Variants in NR3C2 observed in about 807,000 individuals in gnomAD.
The protein encoded by NR3C2 is mineralocorticoid receptor.
A neutral mutation model predicts 86.4 loss-of-function variants in NR3C2; 15 were observed. The ratio of observed to expected loss-of-function variants is 0.17; its 90% CI spans 0.12 to 0.27. The LOEUF is 0.27. Among genes scored for constraint, NR3C2 ranks in the 10% least tolerant of loss-of-function variants. The pLI is 1.00. For synonymous variants in NR3C2, 458 were observed against 450.5 expected (o/e 1.02, Z -0.21); for missense variants, 960 against 1,195.6 (o/e 0.80, Z 2.91).
At chr4:148,409,294 G>T (rs1748576201) in intron 2 of NR3C2, among the ~76,000 whole-genome samples, 1 of 152,102 alleles carries the variant, frequency 6.6e-6, no homozygotes, top group South Asian at 2.1e-4. Context: ...TTGATATTGA[G>T]ATAAAATCTT....
At chr4:148,163,884 A>G (rs1225698109) in intron 4 of NR3C2, among the ~76,000 whole-genome samples, 1 of 152,232 alleles carries the variant, frequency 6.6e-6, no homozygotes, top group East Asian at 1.9e-4. Context: ...TATAAGTAGC[A>G]TTAGAGGGAA....
intron 2 of NR3C2, 32 bp downstream of exon 2, chr4:148,435,072 G>T: frequency 1.2e-6 from 2 of 1,607,008 alleles, no homozygotes; most frequent in South Asian, 2.2e-5. Flanking sequence ...ATAAAGCCAT[G>T]ACTTCCAAAA....
intron 4 of NR3C2, among the ~76,000 whole-genome samples, chr4:148,172,490 A>G (rs945333697): frequency 6.6e-6 from 1 of 152,214 alleles, no homozygotes; most frequent in Non-Finnish European, 1.5e-5. Context: ...GTCCTGGTGC[A>G]GGGATGGAAA....
At chr4:148,376,310 G>C (rs930438776) in intron 2 of NR3C2, among the ~76,000 whole-genome samples, 1 of 152,070 alleles carries the variant, frequency 6.6e-6, no homozygotes, top group African/African-American at 2.4e-5. Context: ...TTAAAAAAAA[G>C]AATCTGCGCC....
chr4:148,085,447 G>C (rs1299006697), intron 8 of NR3C2, among the ~76,000 whole-genome samples: 1 of 152,202 alleles, frequency 6.6e-6, no homozygotes, highest in Non-Finnish European at 1.5e-5. Flanking sequence ...AAACCAATGA[G>C]AGCAAAGACA....
intron 6 of NR3C2, among the ~76,000 whole-genome samples, chr4:148,137,405 A>G (rs2149749970): frequency 6.6e-6 from 1 of 152,272 alleles, no homozygotes; most frequent in South Asian, 2.1e-4. Context: ...TATCTGCTTT[A>G]AAATGTAATT....
chr4:148,277,050 G>T (rs576114996), intron 2 of NR3C2, among the ~76,000 whole-genome samples: 1 of 152,064 alleles, frequency 6.6e-6, no homozygotes, highest in South Asian at 2.1e-4. Context: ...AGAAACAAAA[G>T]AAATCAAAAT....
In NR3C2 at chr4:148,223,278, C is replaced by T. The variant is rs935510434; in HGVS notation, c.1898-28416G>A. On this transcript the variant is annotated intron_variant, in intron 3 of 8. Transcript: ENST00000358102. ...AGCCTCAAATGCATCCCTACTTCTC[C>T]GCTTACAGCCAAGACTCAGCTTAAT... 3.3e-5 allele frequency among the ~76,000 whole-genome samples: 5 copies of T among 152,172 alleles called. No individual in the cohort carries two copies. The East Asian group carries it at 5.8e-4, about 18-fold the overall frequency.
At chr4:148,196,406 G>A (rs1305710060) in intron 3 of NR3C2, among the ~76,000 whole-genome samples, 3 of 152,138 alleles carry the variant, frequency 2.0e-5, no homozygotes, top group Admixed American at 6.5e-5. Flanking sequence ...ATCAGCTTAT[G>A]TATGTGATTT....
rs1421141176 is a variant in NR3C2, at chr4:148,435,901, G to T, written c.960C>A (p.Ser320=). The change falls in exon 2 of 9, where the codon TCC becomes TCA. Residue 320 remains serine (S), a synonymous_variant. Coordinates refer to ENST00000358102, the MANE Select transcript of NR3C2 (RefSeq NM_000901.5). ...TACTGGCTGCCGGACTGGAAAGCGT[G>T]GATCTGTTATTAGTGTTCGAAGGGC... ...VSSPSNTNNR[S]TLSSPAASTV... The T allele has an allele frequency of 6.2e-7, 1 of 1,614,152 alleles. No individual in the cohort carries two copies. The highest frequency in any genetic ancestry group is 8.5e-7 in the Non-Finnish European group (1 of 1,180,018).
intron 2 of NR3C2, among the ~76,000 whole-genome samples, chr4:148,434,468 A>C (rs963945589): frequency 2.0e-4 from 30 of 152,230 alleles, no homozygotes; most frequent in Admixed American, 1.4e-3. Context: ...TTCCAATATA[A>C]GTAAGAAAGC....
rs879072021 is a variant in NR3C2, at chr4:148,295,452, C to T, written c.1758-35335G>A. On this transcript the variant is annotated intron_variant, in intron 2 of 8. Coordinates refer to ENST00000358102, the MANE Select transcript of NR3C2 (RefSeq NM_000901.5). ...GTGCTACCTCTCTGTGTGCATGCTA[C>T]ACTCTAGAGACTAAATCCACAGATA... 1.2e-4 allele frequency among the ~76,000 whole-genome samples: 18 copies of T among 151,180 alleles called. 1 individual carries two copies. In the Admixed American group the frequency reaches 1.2e-3, roughly 10 times the overall value.
chr4:148,370,245 T>A (rs1310580432), intron 2 of NR3C2, among the ~76,000 whole-genome samples: 1 of 152,138 alleles, frequency 6.6e-6, no homozygotes, highest in African/African-American at 2.4e-5. Flanking sequence ...TGGTCAAACA[T>A]GCCATGGAAG....
At chr4:148,082,312 C>CA (rs1730600871) in intron 8 of NR3C2, among the ~76,000 whole-genome samples, 1 of 152,224 alleles carries the variant, frequency 6.6e-6, no homozygotes. Context: ...CTGCAGTTCC[C>CA]AGTGAGATCA....
At chr4:148,169,535 T>C (rs144373881) in intron 4 of NR3C2, among the ~76,000 whole-genome samples, 112 of 151,230 alleles carry the variant, frequency 7.4e-4, no homozygotes, top group Non-Finnish European at 1.3e-3. Context: ...TGTATATAAA[T>C]ATATATATAT....
At chr4:148,227,051 C>T (rs1230176780) in intron 3 of NR3C2, among the ~76,000 whole-genome samples, 1 of 152,150 alleles carries the variant, frequency 6.6e-6, no homozygotes, top group Non-Finnish European at 1.5e-5. Context: ...ATCTTAATCA[C>T]AGCATAATGA....
intron 7 of NR3C2, among the ~76,000 whole-genome samples, chr4:148,119,948 G>A (rs1732440290): frequency 6.6e-6 from 1 of 152,128 alleles, no homozygotes; most frequent in Admixed American, 6.5e-5. Flanking sequence ...AAGGAATGTT[G>A]GGGTATGCTC....
chr4:148,297,922 T>C (rs1157128125), intron 2 of NR3C2, among the ~76,000 whole-genome samples: 1 of 151,504 alleles, frequency 6.6e-6, no homozygotes, highest in Non-Finnish European at 1.5e-5. Context: ...AGTATACATC[T>C]ACTAAGATGG....
intron 2 of NR3C2, among the ~76,000 whole-genome samples, chr4:148,419,439 C>T (rs770055015): frequency 7.9e-5 from 12 of 152,086 alleles, no homozygotes; most frequent in Non-Finnish European, 2.9e-5. Context: ...TAGTAATTCT[C>T]CCATATTCAG....
Sources: allele counts gnomAD v4.1 joint callset (sites outside exome capture counted in the v4.1 genomes callset), GRCh38; gene constraint gnomAD v4.1.1; transcripts MANE v1.5; gene names NCBI Gene and HGNC (gene_info 2026-07-23, HGNC 2026-07-21).